The following SLC4A10 variants were observed in gnomAD, a reference collection of about 807,000 sequenced individuals.
SLC4A10 encodes the protein sodium-driven chloride bicarbonate exchanger.
A neutral mutation model predicts 137.7 loss-of-function variants in SLC4A10; 42 were observed. That is an observed-to-expected ratio of 0.30 (90% CI 0.24 to 0.39). The LOEUF is 0.39. SLC4A10 is among the 10% of genes least tolerant of loss of function. The pLI is 1.00. For missense variants in SLC4A10, 925 were observed against 1,355.0 expected (o/e 0.68, Z 4.98); for synonymous variants, 474 against 464.1 (o/e 1.02, Z -0.27).
rs1387684357 is a variant in SLC4A10 at position 161,977,647 on chromosome 2, T to C, written c.3345-75T>C. The C allele has an allele frequency of 1.3e-5, 16 of 1,275,024 alleles. No homozygotes were observed. In the East Asian group the frequency reaches 3.4e-4, roughly 27 times the overall value. The allele number at this position is 1,275,024 out of a possible 1,614,324, so 79.0% of individuals were successfully genotyped here. ...GAATTGGGACAGTGTTTACTATAAT[T>C]ATAAAGTTCCTTTATTTTCGTAACC... On this transcript the variant is annotated intron_variant, in intron 25 of 26. Transcript: ENST00000446997.
At chr2:161,892,704 A>C (rs2063049096) in intron 10 of SLC4A10, among the ~76,000 whole-genome samples, 1 of 152,094 alleles carries the variant, frequency 6.6e-6, no homozygotes, top group Non-Finnish European at 1.5e-5. Context: ...GGCCAGCATA[A>C]AGAATAATAT....
chr2:161,692,270 G>T (rs1409132689), intron 1 of SLC4A10, among the ~76,000 whole-genome samples: 1 of 151,810 alleles, frequency 6.6e-6, no homozygotes, highest in East Asian at 1.9e-4. Flanking sequence ...TAGATATATA[G>T]AAATATAAAA....
chr2:161,850,316 A>G (rs1350194804), intron 4 of SLC4A10, among the ~76,000 whole-genome samples: 1 of 152,140 alleles, frequency 6.6e-6, no homozygotes, highest in Non-Finnish European at 1.5e-5. Flanking sequence ...ACTTGAGTGC[A>G]GGAACAGAGG....
chr2:161,717,143 A>AT (rs958718017), intron 1 of SLC4A10, among the ~76,000 whole-genome samples: 1 of 152,058 alleles, frequency 6.6e-6, no homozygotes, highest in Non-Finnish European at 1.5e-5. Flanking sequence ...TTGCATGTTG[A>AT]TTTTTTATCC....
chr2:161,626,807 A>G (rs1573955919), intron 1 of SLC4A10, among the ~76,000 whole-genome samples: 1 of 152,242 alleles, frequency 6.6e-6, no homozygotes, highest in South Asian at 2.1e-4. Context: ...TAAAAATTCA[A>G]TATTTTTTAC....
chr2:161,918,989 C>T (rs551750493), intron 15 of SLC4A10, among the ~76,000 whole-genome samples: 4 of 152,334 alleles, frequency 2.6e-5, no homozygotes, highest in East Asian at 1.9e-4. Flanking sequence ...GGAAAGCCCC[C>T]TCCCCCCATA....
At chr2:161,817,613 G>T (rs1453137260) in intron 3 of SLC4A10, among the ~76,000 whole-genome samples, 1 of 152,010 alleles carries the variant, frequency 6.6e-6, no homozygotes, top group Non-Finnish European at 1.5e-5. Flanking sequence ...TATGGTTTTA[G>T]TCTAACATGT....
intron 1 of SLC4A10, among the ~76,000 whole-genome samples, chr2:161,738,449 A>T (rs1282132358): frequency 6.6e-6 from 1 of 152,226 alleles, no homozygotes; most frequent in Non-Finnish European, 1.5e-5. Context: ...AGAAAATGGA[A>T]GTAAGGTAGA....
Position 161,704,191 on chromosome 2 carries a change from A to T in SLC4A10, c.49-66782A>T, listed in dbSNP as rs559204834. 8.6e-5 allele frequency among the ~76,000 whole-genome samples: 13 copies of T among 151,746 alleles called. No individual in the cohort carries two copies. The East Asian group carries it at 2.5e-3, about 29-fold the overall frequency. On this transcript the variant is annotated intron_variant, in intron 1 of 26. Transcript: ENST00000446997. ...ATAGTGTCAAAAATTATGTCATACA[A>T]TTTTTTTCCAGTTTTTTCATATAGC...
At chr2:161,683,585 G>GC (rs2041092102) in intron 1 of SLC4A10, among the ~76,000 whole-genome samples, 1 of 152,114 alleles carries the variant, frequency 6.6e-6, no homozygotes, top group Admixed American at 6.6e-5. Flanking sequence ...TTTGTTGGTT[G>GC]GTTGAAATGT....
At chr2:161,981,647 T>C (rs1700230610) in intron 26 of SLC4A10, among the ~76,000 whole-genome samples, 1 of 152,182 alleles carries the variant, frequency 6.6e-6, no homozygotes, top group African/African-American at 2.4e-5. Context: ...ACACTTGTCA[T>C]ATAAAAGGAA....
At chr2:161,918,131 A>T (rs370006674) in intron 15 of SLC4A10, among the ~76,000 whole-genome samples, 1 of 152,158 alleles carries the variant, frequency 6.6e-6, no homozygotes, top group East Asian at 1.9e-4. Context: ...AATATCTTCA[A>T]GAAGTGTTTT....
At chr2:161,874,036 G>C (rs775400907) in intron 8 of SLC4A10, 31 bp downstream of exon 8, 1 of 1,555,806 alleles carries the variant, frequency 6.4e-7, no homozygotes, top group Admixed American at 1.9e-5. Context: ...TATTTCTACA[G>C]TGGTTCAAAG....
chr2:161,819,344 A>G (rs2057411863), intron 3 of SLC4A10, among the ~76,000 whole-genome samples: 1 of 152,138 alleles, frequency 6.6e-6, no homozygotes, highest in African/African-American at 2.4e-5. Context: ...TCATACAAAA[A>G]ACTTTTAATG....
chr2:161,634,494 A>G (rs2034099466), intron 1 of SLC4A10, among the ~76,000 whole-genome samples: 1 of 151,746 alleles, frequency 6.6e-6, no homozygotes, highest in Non-Finnish European at 1.5e-5. Context: ...TAATTTTAGC[A>G]CTCATTGGTA....
At chr2:161,914,850 A>T (rs1686737419) in intron 15 of SLC4A10, among the ~76,000 whole-genome samples, 1 of 152,134 alleles carries the variant, frequency 6.6e-6, no homozygotes, top group African/African-American at 2.4e-5. Flanking sequence ...AGATTAAATG[A>T]AGTCATATCG....
intron 4 of SLC4A10, among the ~76,000 whole-genome samples, chr2:161,845,220 G>A (rs1221101271): frequency 6.6e-6 from 1 of 152,128 alleles, no homozygotes; most frequent in Non-Finnish European, 1.5e-5. Flanking sequence ...ACAGAAAAGA[G>A]AGATATAGTT....
chr2:161,844,841 T>C (rs2059395944), intron 4 of SLC4A10, among the ~76,000 whole-genome samples: 1 of 152,124 alleles, frequency 6.6e-6, no homozygotes, highest in Non-Finnish European at 1.5e-5. Context: ...GTGCTAATCT[T>C]GGATGAAAAC....
intron 16 of SLC4A10, among the ~76,000 whole-genome samples, chr2:161,944,211 T>A (rs1193495574): frequency 6.6e-6 from 1 of 151,844 alleles, no homozygotes; most frequent in Non-Finnish European, 1.5e-5. Flanking sequence ...ACTATAGTTA[T>A]TCAGAATTTA....
Sources: gnomAD v4.1 joint callset for allele counts (sites outside exome capture counted in the v4.1 genomes callset) on GRCh38, gnomAD v4.1.1 for gene constraint, MANE v1.5 for transcripts, NCBI Gene and HGNC (gene_info 2026-07-23, HGNC 2026-07-21) for gene names.